The following ST6GALNAC3 variants were observed in gnomAD, a reference collection of about 807,000 sequenced individuals.
ST6GALNAC3 encodes alpha-N-acetylgalactosaminide alpha-2,6-sialyltransferase 3.
Under a neutral mutation model 32.7 loss-of-function variants are expected in ST6GALNAC3, and 25 were observed. That is an observed-to-expected ratio of 0.76 (90% CI 0.56 to 1.07). ST6GALNAC3 has a LOEUF of 1.07. Among genes scored for constraint, ST6GALNAC3 ranks in the 50% least tolerant of loss-of-function variants. The probability of loss-of-function intolerance (pLI) is 0.00; values close to 1 mark genes in which losing one functional copy is unlikely to be tolerated. For synonymous variants in ST6GALNAC3, 129 were observed against 133.1 expected (o/e 0.97, Z 0.21); for missense variants, 355 against 382.4 (o/e 0.93, Z 0.60).
At chr1:76,448,726 A>T (rs1356754617) in intron 3 of ST6GALNAC3, among the ~76,000 whole-genome samples, 1 of 152,206 alleles carries the variant, frequency 6.6e-6, no homozygotes, top group African/African-American at 2.4e-5. Context: ...GCCTGCCACC[A>T]TTCATGTAAG....
At chr1:76,464,474 A>C (rs957643720) in intron 3 of ST6GALNAC3, among the ~76,000 whole-genome samples, 15 of 152,172 alleles carry the variant, frequency 9.9e-5, no homozygotes, top group African/African-American at 3.4e-4. Flanking sequence ...GGATGGAGGT[A>C]GGTATCCCGG....
At chr1:76,164,691 T>A (rs1009105677) in intron 1 of ST6GALNAC3, among the ~76,000 whole-genome samples, 23 of 152,206 alleles carry the variant, frequency 1.5e-4, no homozygotes, top group Middle Eastern at 3.4e-3. Flanking sequence ...TTACAGTAAG[T>A]CCATAATAAT....
intron 1 of ST6GALNAC3, among the ~76,000 whole-genome samples, chr1:76,235,477 A>G (rs970624973): frequency 1.3e-5 from 2 of 152,138 alleles, no homozygotes; most frequent in African/African-American, 4.8e-5. Context: ...ACTGCACTCC[A>G]GCCTGGGCAA....
At chr1:76,308,741 T>A (rs1449362313) in intron 1 of ST6GALNAC3, among the ~76,000 whole-genome samples, 1 of 152,202 alleles carries the variant, frequency 6.6e-6, no homozygotes, top group Non-Finnish European at 1.5e-5. Flanking sequence ...ATGAAGTGAT[T>A]GATACATTTT....
chr1:76,255,107 G>A (rs1253912692), intron 1 of ST6GALNAC3, among the ~76,000 whole-genome samples: 5 of 151,078 alleles, frequency 3.3e-5, no homozygotes, highest in African/African-American at 1.2e-4. Flanking sequence ...CACCATTCTG[G>A]TTTGGTCTGG....
chr1:76,538,472 C>A (rs1336902891), intron 3 of ST6GALNAC3, among the ~76,000 whole-genome samples: 1 of 152,114 alleles, frequency 6.6e-6, no homozygotes, highest in Non-Finnish European at 1.5e-5. Context: ...GACAAGGATG[C>A]CCTCTCTCAC....
intron 1 of ST6GALNAC3, among the ~76,000 whole-genome samples, chr1:76,312,970 T>A (rs2100893196): frequency 6.6e-6 from 1 of 152,306 alleles, no homozygotes; most frequent in South Asian, 2.1e-4. Context: ...CTTTCTCTCT[T>A]CTCAATCGGA....
At chr1:76,389,420 A>AT (rs1652365498) in intron 2 of ST6GALNAC3, among the ~76,000 whole-genome samples, 1 of 152,148 alleles carries the variant, frequency 6.6e-6, no homozygotes, top group Admixed American at 6.5e-5. Flanking sequence ...AGCCTTGTTG[A>AT]TTTGGGGGTT....
intron 3 of ST6GALNAC3, among the ~76,000 whole-genome samples, chr1:76,479,585 G>A (rs1334830670): frequency 1.3e-5 from 2 of 152,082 alleles, no homozygotes; most frequent in Non-Finnish European, 2.9e-5. Flanking sequence ...CGCAAGGGTG[G>A]GATAGAAGGG....
At chr1:76,191,270 A>T (rs762572400) in intron 1 of ST6GALNAC3, among the ~76,000 whole-genome samples, 1 of 151,964 alleles carries the variant, frequency 6.6e-6, no homozygotes, top group Non-Finnish European at 1.5e-5. Context: ...GACAAATACC[A>T]TATGATCTCA....
chr1:76,537,898 G>A (rs1663723096), intron 3 of ST6GALNAC3, among the ~76,000 whole-genome samples: 1 of 149,836 alleles, frequency 6.7e-6, no homozygotes, highest in Admixed American at 6.6e-5. Context: ...CCAAAAAAAA[G>A]ACCATGACCA....
At chr1:76,584,068 C>T (rs1646927793) in intron 3 of ST6GALNAC3, among the ~76,000 whole-genome samples, 1 of 152,150 alleles carries the variant, frequency 6.6e-6, no homozygotes, top group African/African-American at 2.4e-5. Flanking sequence ...GTGCTTTTCA[C>T]TATTTCAGGA....
chr1:76,450,734 T>C (rs1382840249), intron 3 of ST6GALNAC3, among the ~76,000 whole-genome samples: 2 of 152,210 alleles, frequency 1.3e-5, no homozygotes, highest in African/African-American at 4.8e-5. Context: ...TTTTGTAAAG[T>C]AAGAGATGAG....
In ST6GALNAC3 at chr1:76,184,153, CA is replaced by C. The variant is rs560006869; in HGVS notation, c.18+109274del. ...GTTATTGATTACCCCTTATGTGAAC[CA>C]AAAACATCTCCATAGGGGCATTTCT... On this transcript the variant is annotated intron_variant, in intron 1 of 4. Coordinates refer to ENST00000328299, the MANE Select transcript of ST6GALNAC3 (RefSeq NM_152996.4). Among the ~76,000 whole-genome samples the C allele has an allele frequency of 2.0e-3, 300 of 151,940 alleles. 1 individual carries two copies. Among genetic ancestry groups the C allele is most frequent in the Middle Eastern group, 0.014 (4 of 294 alleles).
chr1:76,222,069 T>C (rs1655803652), intron 1 of ST6GALNAC3, among the ~76,000 whole-genome samples: 1 of 152,168 alleles, frequency 6.6e-6, no homozygotes, highest in South Asian at 2.1e-4. Context: ...GTGTATGTAT[T>C]ATTTTTCCTT....
At chr1:76,534,194 C>G (rs1488870174) in intron 3 of ST6GALNAC3, among the ~76,000 whole-genome samples, 2 of 152,068 alleles carry the variant, frequency 1.3e-5, no homozygotes, top group Non-Finnish European at 2.9e-5. Flanking sequence ...AGGCACCCAC[C>G]ACCACTGCCG....
At chr1:76,547,698 C>CA (rs1403033483) in intron 3 of ST6GALNAC3, among the ~76,000 whole-genome samples, 3 of 151,778 alleles carry the variant, frequency 2.0e-5, no homozygotes, top group African/African-American at 7.3e-5. Flanking sequence ...ACTAAAAATA[C>CA]AAAAAAGTAG....
intron 1 of ST6GALNAC3, among the ~76,000 whole-genome samples, chr1:76,128,679 G>A (rs568555181): frequency 1.3e-5 from 2 of 152,306 alleles, no homozygotes; most frequent in African/African-American, 4.8e-5. Context: ...CACCACCGAA[G>A]ATGGAGGTGT....
chr1:76,309,881 C>T, intron 1 of ST6GALNAC3: 1 of 448,776 alleles, frequency 2.2e-6, no homozygotes, highest in Non-Finnish European at 4.5e-6. Flanking sequence ...ACATGAGAGG[C>T]AGACATGGGT....
Sources: allele counts gnomAD v4.1 joint callset (sites outside exome capture counted in the v4.1 genomes callset), GRCh38; gene constraint gnomAD v4.1.1; transcripts MANE v1.5; gene names NCBI Gene and HGNC (gene_info 2026-07-23, HGNC 2026-07-21).